The following ADAM12 variants were observed in gnomAD, a reference collection of about 807,000 sequenced individuals.
ADAM12 encodes disintegrin and metalloproteinase domain-containing protein 12.
Under a neutral mutation model 106.4 loss-of-function variants are expected in ADAM12, and 70 were observed. The observed-to-expected ratio is 0.66, with a 90% CI of 0.54 to 0.80. The LOEUF (loss-of-function observed/expected upper bound fraction) is 0.80, where lower values mean the gene tolerates loss of function less well. Ranked by LOEUF, ADAM12 falls within the 30% of genes least tolerant of loss-of-function variation. The pLI is 0.00. For missense variants in ADAM12, 1,010 were observed against 1,171.9 expected (o/e 0.86, Z 2.02); for synonymous variants, 420 against 433.5 (o/e 0.97, Z 0.39).
intron 8 of ADAM12, among the ~76,000 whole-genome samples, chr10:126,106,915 C>T (rs1955782665): frequency 6.6e-6 from 1 of 152,172 alleles, no homozygotes; most frequent in Non-Finnish European, 1.5e-5. Context: ...AAACATTCAC[C>T]TAGCTCTCTA....
intron 3 of ADAM12, among the ~76,000 whole-genome samples, chr10:126,268,866 C>T (rs545291715): frequency 3.9e-5 from 6 of 152,222 alleles, no homozygotes; most frequent in African/African-American, 1.2e-4. Context: ...GAAAGGTTCC[C>T]GATCCAGACC....
chr10:126,224,998 C>T (rs143817055), intron 3 of ADAM12, among the ~76,000 whole-genome samples: 9 of 152,362 alleles, frequency 5.9e-5, no homozygotes, highest in South Asian at 4.1e-4. Context: ...CTGCTCCTGC[C>T]GCCTCTGAGT....
chr10:126,284,150 T>C (rs1959727648), intron 2 of ADAM12, among the ~76,000 whole-genome samples: 1 of 151,960 alleles, frequency 6.6e-6, no homozygotes, highest in Admixed American at 6.6e-5. Flanking sequence ...CTGGCCAATA[T>C]GGTGAAACCC....
intron 5 of ADAM12, among the ~76,000 whole-genome samples, chr10:126,125,255 T>TC (rs1956185894): frequency 1.3e-5 from 2 of 149,484 alleles, no homozygotes; most frequent in South Asian, 4.2e-4. Context: ...TTTTCTTTTT[T>TC]TTTTTTTTGA....
At chr10:126,041,713 T>C in intron 18 of ADAM12, 1 of 1,019,220 alleles carries the variant, frequency 9.8e-7, no homozygotes, top group Non-Finnish European at 1.2e-6. Context: ...AGACCAGTCA[T>C]CAGGGCTGCC....
chr10:126,084,016 G>T (rs1955287265), intron 11 of ADAM12, among the ~76,000 whole-genome samples: 1 of 152,212 alleles, frequency 6.6e-6, no homozygotes, highest in African/African-American at 2.4e-5. Context: ...TGACCAGAAA[G>T]ATCCTTAGTA....
intron 2 of ADAM12, among the ~76,000 whole-genome samples, chr10:126,325,753 T>A (rs1278720417): frequency 6.6e-6 from 1 of 152,200 alleles, no homozygotes; most frequent in Non-Finnish European, 1.5e-5. Context: ...TTTCAAGACA[T>A]GAAATTGGAA....
At chr10:126,371,967 T>C (rs113056495) in intron 1 of ADAM12, among the ~76,000 whole-genome samples, 3,016 of 152,244 alleles carry the variant, frequency 0.02, 93 homozygotes, top group African/African-American at 0.069. Flanking sequence ...CCATTTTGTG[T>C]GCTATAAGTA....
intron 2 of ADAM12, among the ~76,000 whole-genome samples, chr10:126,298,852 C>A (rs2133794534): frequency 6.6e-6 from 1 of 152,184 alleles, no homozygotes; most frequent in Admixed American, 6.5e-5. Context: ...TTCAAAGAAA[C>A]AATTGTCACC....
rs564414418 is a variant in ADAM12 at position 126,305,175 on chromosome 10, A to C, written c.186+25237T>G. Among the ~76,000 whole-genome samples the C allele has an allele frequency of 1.2e-4, 18 of 152,194 alleles. 1 individual carries two copies. The highest frequency in any genetic ancestry group is 4.1e-4 in the African/African-American group (17 of 41,572). On this transcript the variant is annotated intron_variant, in intron 2 of 22. Transcript: ENST00000448723. Reference sequence around the variant, plus strand: ...AGTGACTTACACAGAGTTAATTATAACAGCTTTACTCTTAATAGCTCAAAA... The same window carrying C: ...AGTGACTTACACAGAGTTAATTATACCAGCTTTACTCTTAATAGCTCAAAA...
At chr10:126,335,627 C>A (rs1466560022) in intron 1 of ADAM12, among the ~76,000 whole-genome samples, 2 of 152,196 alleles carry the variant, frequency 1.3e-5, no homozygotes, top group Non-Finnish European at 2.9e-5. Flanking sequence ...GTAGTTCTTT[C>A]ATTTTAGCTG....
At chr10:126,276,108 T>C (rs970979875) in intron 3 of ADAM12, among the ~76,000 whole-genome samples, 1 of 152,230 alleles carries the variant, frequency 6.6e-6, no homozygotes, top group African/African-American at 2.4e-5. Flanking sequence ...TAGCTGATTA[T>C]TGAATCAGTC....
At chr10:126,091,611 GAA>G (rs3837316) in intron 11 of ADAM12, among the ~76,000 whole-genome samples, 14 of 151,854 alleles carry the variant, frequency 9.2e-5, no homozygotes, top group Admixed American at 2.0e-4. Flanking sequence ...GGTAATGGGG[GAA>G]AAAAAAGCCT....
intron 3 of ADAM12, among the ~76,000 whole-genome samples, chr10:126,194,153 A>G (rs990977840): frequency 2.6e-5 from 4 of 152,018 alleles, no homozygotes; most frequent in African/African-American, 4.8e-5. Flanking sequence ...AAGACTTTAA[A>G]TACAGCGTGT....
At chr10:126,331,717 C>T (rs1315507290) in intron 1 of ADAM12, among the ~76,000 whole-genome samples, 1 of 152,062 alleles carries the variant, frequency 6.6e-6, no homozygotes, top group East Asian at 1.9e-4. Flanking sequence ...CCCTCGACCG[C>T]ATGGGGAAGG....
intron 21 of ADAM12, among the ~76,000 whole-genome samples, chr10:126,032,443 A>T (rs1286911016): frequency 6.6e-6 from 1 of 152,200 alleles, no homozygotes; most frequent in African/African-American, 2.4e-5. Context: ...ACTGATGTTT[A>T]AAGGGTAACA....
At chr10:126,118,343 C>T (rs1181567919) in intron 5 of ADAM12, 119 bp from the exon 6 acceptor site, 1 of 724,494 alleles carries the variant, frequency 1.4e-6, no homozygotes, top group African/African-American at 1.8e-5. Context: ...TACTTATATT[C>T]TCAGATTTTG....
intron 2 of ADAM12, among the ~76,000 whole-genome samples, chr10:126,280,805 C>G (rs770157782): frequency 6.6e-6 from 1 of 152,150 alleles, no homozygotes; most frequent in Non-Finnish European, 1.5e-5. Flanking sequence ...TGGGTTTACA[C>G]AGGCCTTGTT....
intron 1 of ADAM12, among the ~76,000 whole-genome samples, chr10:126,358,990 C>G (rs1378998802): frequency 6.6e-6 from 1 of 152,108 alleles, no homozygotes; most frequent in Non-Finnish European, 1.5e-5. Flanking sequence ...GCTGGGGAAG[C>G]CTCACAATTA....
Sources: gnomAD v4.1 joint callset for allele counts (sites outside exome capture counted in the v4.1 genomes callset) on GRCh38, gnomAD v4.1.1 for gene constraint, MANE v1.5 for transcripts, NCBI Gene and HGNC (gene_info 2026-07-23, HGNC 2026-07-21) for gene names.